Variants in ANK3 observed in about 807,000 individuals in gnomAD.
ANK3 encodes the protein ankyrin 3, also known as ankyrin-3.
A neutral mutation model predicts 370.9 loss-of-function variants in ANK3; 57 were observed. The ratio of observed to expected loss-of-function variants is 0.15; its 90% CI spans 0.12 to 0.19. The LOEUF is 0.19. Ranked by LOEUF, ANK3 falls within the 10% of genes least tolerant of loss-of-function variation. The pLI, the probability that ANK3 is intolerant of heterozygous loss-of-function variation, is 1.00. For missense variants in ANK3, 4,439 were observed against 5,302.1 expected, an observed-to-expected ratio of 0.84 and a Z score of 5.06; for synonymous variants, 1,929 against 1,946.3, an observed-to-expected ratio of 0.99 and a Z score of 0.23.
intron 1 of ANK3, among the ~76,000 whole-genome samples, chr10:60,623,282 C>T (rs908599938): frequency 1.3e-5 from 2 of 152,038 alleles, no homozygotes; most frequent in Admixed American, 6.6e-5. Flanking sequence ...CAAAGCCAAC[C>T]GTAGCAAGTG....
At chr10:60,412,653 CA>C (rs1341320779) in intron 2 of ANK3, among the ~76,000 whole-genome samples, 2 of 152,200 alleles carry the variant, frequency 1.3e-5, no homozygotes, top group African/African-American at 4.8e-5. Context: ...GTCAATTACT[CA>C]CTAGCTATTA....
chr10:60,649,606 T>G (rs2078760215), intron 1 of ANK3, among the ~76,000 whole-genome samples: 1 of 152,194 alleles, frequency 6.6e-6, no homozygotes, highest in Non-Finnish European at 1.5e-5. Context: ...CCCAATTGAG[T>G]AGGCGGTTGT....
chr10:60,188,014 G>C (rs995579567), intron 16 of ANK3, among the ~76,000 whole-genome samples: 1 of 152,038 alleles, frequency 6.6e-6, no homozygotes, highest in Non-Finnish European at 1.5e-5. Context: ...GATATTTAGT[G>C]GCACTCTTTT....
intron 1 of ANK3, among the ~76,000 whole-genome samples, chr10:60,361,382 T>C (rs1375199286): frequency 6.6e-6 from 1 of 152,208 alleles, no homozygotes; most frequent in East Asian, 1.9e-4. Flanking sequence ...ACACTAGAAT[T>C]TCAAAGTGAG....
chr10:60,193,405 C>T (rs2096529187), intron 16 of ANK3, among the ~76,000 whole-genome samples: 1 of 152,078 alleles, frequency 6.6e-6, no homozygotes, highest in African/African-American at 2.4e-5. Flanking sequence ...GCCTGTAATC[C>T]CAGCATTTTG....
Position 60,208,126 on chromosome 10 carries a change from C to G in ANK3, c.1104G>C (p.Leu368=), listed in dbSNP as rs756331206. The stretch of plus-strand genomic sequence containing the variant: ...AGTGGGCAGCCACGTGTAGGGCAGT[C>G]AGGTAGTCATTGGTGACATCATCCA... ...VPVDDVTNDY[L]TALHVAAHCG... Residue 368 remains leucine, a synonymous_variant, in exon 10 of 44, where the codon CTG becomes CTC. Coordinates refer to ENST00000280772, the MANE Select transcript of ANK3 (RefSeq NM_020987.5). 6.2e-7 allele frequency: 1 copy of G among 1,613,996 alleles called. No individual in the cohort carries two copies. Among genetic ancestry groups the G allele is most frequent in the Non-Finnish European group, 8.5e-7 (1 of 1,179,978 alleles).
chr10:60,386,345 T>C (rs995191817), intron 1 of ANK3, among the ~76,000 whole-genome samples: 3 of 151,804 alleles, frequency 2.0e-5, no homozygotes, highest in African/African-American at 4.8e-5. Context: ...TTAAAGAAGA[T>C]ACTCATTCAA....
intron 2 of ANK3, among the ~76,000 whole-genome samples, chr10:60,583,529 T>C (rs1567163803): frequency 6.7e-6 from 1 of 149,652 alleles, no homozygotes; most frequent in Non-Finnish European, 1.5e-5. Context: ...TTTTTTGTTT[T>C]TTTTTGAGGT....
At chr10:60,406,099 G>C (rs1305675064) in intron 2 of ANK3, among the ~76,000 whole-genome samples, 1 of 152,070 alleles carries the variant, frequency 6.6e-6, no homozygotes, top group African/African-American at 2.4e-5. Context: ...CAATAAAAGG[G>C]GTCAAACTTT....
At chr10:60,079,665 TGAG>T (rs2084721247) in intron 36 of ANK3, among the ~76,000 whole-genome samples, 2 of 152,112 alleles carry the variant, frequency 1.3e-5, no homozygotes, top group East Asian at 3.9e-4. Flanking sequence ...TCATTTAAAA[TGAG>T]GAGAATGGTT....
chr10:60,095,873 A>G (rs1222889053), intron 28 of ANK3, among the ~76,000 whole-genome samples: 1 of 152,176 alleles, frequency 6.6e-6, no homozygotes, highest in Non-Finnish European at 1.5e-5. Context: ...TGTATTACAT[A>G]TTTTAAAAGT....
intron 1 of ANK3, among the ~76,000 whole-genome samples, chr10:60,656,638 G>A (rs2078868101): frequency 6.6e-6 from 1 of 152,094 alleles, no homozygotes; most frequent in South Asian, 2.1e-4. Context: ...TTTTCTAATA[G>A]AAACATTTTA....
intron 2 of ANK3, among the ~76,000 whole-genome samples, chr10:60,589,129 T>C (rs2133290169): frequency 6.6e-6 from 1 of 152,340 alleles, no homozygotes; most frequent in South Asian, 2.1e-4. Context: ...TGTTAGTGTG[T>C]GTAGCATTTT....
At chr10:60,690,128 G>A (rs1018029101) in intron 1 of ANK3, among the ~76,000 whole-genome samples, 7 of 152,126 alleles carry the variant, frequency 4.6e-5, no homozygotes, top group Admixed American at 3.3e-4. Context: ...CAAGATGGCC[G>A]AATAGGAACA....
chr10:60,502,156 C>T (rs2075817595), intron 2 of ANK3, among the ~76,000 whole-genome samples: 1 of 152,124 alleles, frequency 6.6e-6, no homozygotes, highest in African/African-American at 2.4e-5. Flanking sequence ...CTGTCTGAAG[C>T]CTCAAGAATG....
chr10:60,681,622 G>T (rs2079196279), intron 1 of ANK3, among the ~76,000 whole-genome samples: 1 of 152,112 alleles, frequency 6.6e-6, no homozygotes, highest in Non-Finnish European at 1.5e-5. Context: ...ATCCTATGTG[G>T]CTGCATTCAT....
intron 40 of ANK3, chr10:60,060,456 C>T (rs1046235102): frequency 5.9e-5 from 9 of 152,462 alleles, no homozygotes; most frequent in African/African-American, 1.2e-4. Context: ...TAATTACCTA[C>T]AACTTTTATA....
At chr10:60,060,919 C>T (rs902967861) in intron 40 of ANK3, among the ~76,000 whole-genome samples, 1 of 152,238 alleles carries the variant, frequency 6.6e-6, no homozygotes, top group East Asian at 1.9e-4. Context: ...GGGAACGAAT[C>T]CCTTGTTTTA....
chr10:60,451,771 G>A (rs775262789), intron 2 of ANK3, among the ~76,000 whole-genome samples: 19 of 152,268 alleles, frequency 1.2e-4, no homozygotes, highest in Non-Finnish European at 2.2e-4. Context: ...TTGTTCCCAC[G>A]GCTCACGCTC....
Sources: gnomAD v4.1 joint callset for allele counts (sites outside exome capture counted in the v4.1 genomes callset) on GRCh38, gnomAD v4.1.1 for gene constraint, MANE v1.5 for transcripts, NCBI Gene and HGNC (gene_info 2026-07-23, HGNC 2026-07-21) for gene names.